The following DMXL1 variants were observed in gnomAD, a reference collection of about 807,000 sequenced individuals.
DMXL1 encodes the protein dmX-like protein 1.
DMXL1 carries 99 observed loss-of-function variants against 319.2 expected under a neutral mutation model. That is an observed-to-expected ratio of 0.31 (90% confidence interval 0.26 to 0.37). The LOEUF (loss-of-function observed/expected upper bound fraction) is 0.37. Among genes scored for constraint, DMXL1 ranks in the 10% least tolerant of loss-of-function variants. DMXL1 has a pLI of 1.00. For missense variants in DMXL1, 3,745 were observed against 3,595.6 expected (o/e 1.04, Z -1.06); for synonymous variants, 1,385 against 1,235.2 (o/e 1.12, Z -2.54).
chr5:119,178,116 C>G lies in DMXL1; in HGVS notation c.7007C>G (p.Ala2336Gly). The G allele has an allele frequency of 6.2e-7, 1 of 1,613,950 alleles. No homozygotes were observed. Among genetic ancestry groups the G allele is most frequent in the Non-Finnish European group, 8.5e-7 (1 of 1,179,872 alleles). Residue 2336 changes from alanine to glycine, a missense_variant, in exon 28 of 44, where the codon GCC (alanine) becomes GGC (glycine). Around this residue, in one of 4 missense-constraint regions of DMXL1, gnomAD observed 1,382 missense variants for 1,269.5 expected, o/e 1.09. Coordinates refer to ENST00000539542, the MANE Select transcript of DMXL1 (RefSeq NM_001290321.3). Reference protein sequence around the residue: ...VYLSLFIHGLATHSSNELFRI... With the variant: ...VYLSLFIHGLGTHSSNELFRI... ...CTTAGTCTCTTCATCCATGGCCTGG[C>G]CACACATTCAAGTAATGAGCTATTT... is the stretch of plus-strand genomic sequence containing the variant.
intron 19 of DMXL1, among the ~76,000 whole-genome samples, chr5:119,163,186 A>G (rs1772643935): frequency 6.6e-6 from 1 of 152,338 alleles, no homozygotes; most frequent in East Asian, 1.9e-4. Flanking sequence ...TTATAACTAT[A>G]TTATTTAATT....
chr5:119,245,368 A>G (rs573462805), intron 43 of DMXL1, among the ~76,000 whole-genome samples: 46 of 152,310 alleles, frequency 3.0e-4, no homozygotes, highest in African/African-American at 1.1e-3. Context: ...TAAAACCAGC[A>G]AATTGTTTTC....
chr5:119,151,887 A>ATT, intron 18 of DMXL1, 42 bp from the exon 19 acceptor site: 18 of 1,256,876 alleles, frequency 1.4e-5, no homozygotes, highest in Admixed American at 1.9e-5. Flanking sequence ...TTTGCTTACA[A>ATT]TTTTTTTTTT....
chr5:119,199,358 T>A (rs530772079), intron 32 of DMXL1, among the ~76,000 whole-genome samples: 1 of 152,342 alleles, frequency 6.6e-6, no homozygotes, highest in South Asian at 2.1e-4. Flanking sequence ...TTGCTAAGGA[T>A]AGTAACCTCC....
chr5:119,230,110 G>A (rs184589102), intron 38 of DMXL1, among the ~76,000 whole-genome samples: 3 of 152,262 alleles, frequency 2.0e-5, no homozygotes, highest in Non-Finnish European at 1.5e-5. Flanking sequence ...CATAACACCA[G>A]ACAAGGCCAG....
chr5:119,173,768 GTGTGTGTGTATA>G (rs1561795374), intron 25 of DMXL1, among the ~76,000 whole-genome samples: 25 of 35,646 alleles, frequency 7.0e-4, no homozygotes, highest in African/African-American at 2.8e-3. Flanking sequence ...ATATATATAT[GTGTGTGTGTATA>G]TATATATATA....
At chr5:119,235,077 T>C (rs1448305233) in intron 39 of DMXL1, among the ~76,000 whole-genome samples, 1 of 152,122 alleles carries the variant, frequency 6.6e-6, no homozygotes, top group Admixed American at 6.6e-5. Flanking sequence ...CTAAGCATGC[T>C]ATCTCTTCTA....
chr5:119,212,231 A>G (rs1274023224), intron 34 of DMXL1, among the ~76,000 whole-genome samples: 2 of 152,144 alleles, frequency 1.3e-5, no homozygotes, highest in Non-Finnish European at 2.9e-5. Flanking sequence ...CGCCCACTCC[A>G]GGCAACCACC....
chr5:119,240,850 G>A (rs2150738765), intron 42 of DMXL1, among the ~76,000 whole-genome samples: 1 of 152,042 alleles, frequency 6.6e-6, no homozygotes, highest in South Asian at 2.1e-4. Context: ...TATATAAATG[G>A]AAGGGAAGAA....
chr5:119,171,873 C>T lies in DMXL1; in HGVS notation c.6585C>T (p.Ala2195=), dbSNP rs1252060000. ...CAGCCAATGCCAAAACAGTAGTTGC[C>T]AATCCATTATTGCACCTTAGTAATC... The part of the protein sequence containing the change: ...ACTANAKTVV[A]NPLLHLSNLT... The change falls in exon 25 of 44, where the codon GCC becomes GCT. Residue 2195 remains alanine, a synonymous_variant. Coordinates refer to ENST00000539542, the MANE Select transcript of DMXL1 (RefSeq NM_001290321.3). 1 of 1,613,836 alleles carries T rather than the reference C, an allele frequency of 6.2e-7. No homozygotes were observed.
chr5:119,137,901 G>A (rs577310596), intron 13 of DMXL1, among the ~76,000 whole-genome samples: 1 of 152,248 alleles, frequency 6.6e-6, no homozygotes, highest in East Asian at 1.9e-4. Flanking sequence ...CATGTGAGGT[G>A]GAAAATAGTC....
In DMXL1 at chr5:119,203,393, C is replaced by G; in HGVS notation, c.7820C>G (p.Thr2607Ser). ...GTGAAGCAGGAAGAAATTCAGGAAA[C>G]CTTTATCAAAAATATATTCACAAAG... ...YLVKQEEIQE[T>S]FIKNIFTKKR... Residue 2607 changes from threonine (T) to serine (S), a missense_variant, in exon 33 of 44, where the codon ACC becomes AGC. Physicochemically the swap from Thr to Ser is moderately conservative, Grantham distance 58. Coordinates refer to ENST00000539542, the MANE Select transcript of DMXL1 (RefSeq NM_001290321.3). The G allele has an allele frequency of 6.2e-7, 1 of 1,605,926 alleles. No homozygotes were observed. Among genetic ancestry groups the G allele is most frequent in the South Asian group, 1.1e-5 (1 of 89,962 alleles).
chr5:119,124,413 C>G (rs547660263), intron 9 of DMXL1, among the ~76,000 whole-genome samples: 1 of 152,140 alleles, frequency 6.6e-6, no homozygotes, highest in African/African-American at 2.4e-5. Flanking sequence ...AGAAGGGAAC[C>G]TCAACTTCAG....
chr5:119,111,786 A>G (rs988720559), intron 5 of DMXL1, among the ~76,000 whole-genome samples: 15 of 152,204 alleles, frequency 9.9e-5, no homozygotes, highest in African/African-American at 3.1e-4. Flanking sequence ...ACATTGGGCA[A>G]TGGAGAGAAA....
At chr5:119,192,940 A>T (rs1249731020) in intron 29 of DMXL1, among the ~76,000 whole-genome samples, 1 of 151,974 alleles carries the variant, frequency 6.6e-6, no homozygotes, top group African/African-American at 2.4e-5. Flanking sequence ...TTTTTCCTCA[A>T]CTTCTCTTGT....
rs1433742617 is a variant in DMXL1, at chr5:119,205,021, A to G, written c.7863+1585A>G. ...TTACTATTTGCCTCATTTTGTAAAT[A>G]TATTCAAATCGACCAAGTCAGGAAA... On this transcript the variant is annotated intron_variant, in intron 33 of 43. Coordinates refer to ENST00000539542, the MANE Select transcript of DMXL1 (RefSeq NM_001290321.3). 3.3e-5 allele frequency among the ~76,000 whole-genome samples: 5 copies of G among 152,310 alleles called. No individual in the cohort carries two copies. In the South Asian group the frequency reaches 1.0e-3, roughly 32 times the overall value.
At chr5:119,143,340 T>A (rs189174807) in intron 13 of DMXL1, among the ~76,000 whole-genome samples, 1 of 151,728 alleles carries the variant, frequency 6.6e-6, no homozygotes, top group African/African-American at 2.4e-5. Flanking sequence ...GAAGAAGGAA[T>A]GATTACCAAG....
chr5:119,213,029 G>A (rs1239787049), intron 34 of DMXL1, among the ~76,000 whole-genome samples: 1 of 152,100 alleles, frequency 6.6e-6, no homozygotes, highest in East Asian at 1.9e-4. Flanking sequence ...GAACATGTTT[G>A]GAGGAAAAGC....
rs1203683806 is a variant in DMXL1, at chr5:119,233,411, C to T, written c.8410C>T (p.Arg2804Ter). 6.2e-7 allele frequency: 1 copy of T among 1,612,484 alleles called. No individual in the cohort carries two copies. Among genetic ancestry groups the T allele is most frequent in the Non-Finnish European group, 8.5e-7 (1 of 1,178,894 alleles). ...CCATTCTCAACAAATAACCTGTTTT[C>T]GATCTGGTGGCAATTCAAGAGTTAC... ...WGHSQQITCFRSGGNSRVTRM... is the reference protein window; with the variant it reads ...WGHSQQITCF Residue 2804 changes from arginine (R) to a stop codon, truncating the protein, a stop_gained, in exon 39 of 44, where the codon CGA becomes TGA. Transcript: ENST00000539542. LOFTEE classifies it high-confidence loss of function.
Sources: allele counts gnomAD v4.1 joint callset (sites outside exome capture counted in the v4.1 genomes callset), GRCh38; gene constraint gnomAD v4.1.1; regional missense constraint gnomAD v4.1.1; transcripts MANE v1.5; gene names NCBI Gene and HGNC (gene_info 2026-07-23, HGNC 2026-07-21).